The following ZDHHC21 variants were observed in gnomAD, a reference collection of about 807,000 sequenced individuals.
ZDHHC21 encodes the protein palmitoyltransferase ZDHHC21.
Under a neutral mutation model 34.6 loss-of-function variants are expected in ZDHHC21, and 15 were observed. That is an observed-to-expected ratio of 0.43 (90% CI 0.29 to 0.67). The LOEUF is 0.67. ZDHHC21 is among the 30% of genes least tolerant of loss of function. The probability of loss-of-function intolerance (pLI) is 0.14; values close to 1 mark genes in which losing one functional copy is unlikely to be tolerated. For synonymous variants in ZDHHC21, 142 were observed against 101.8 expected (o/e 1.40, Z -2.38); for missense variants, 344 against 327.7 (o/e 1.05, Z -0.38).
At chr9:14,658,683 G>A in intron 7 of ZDHHC21, 66 bp downstream of exon 7, 1 of 1,350,110 alleles carries the variant, frequency 7.4e-7, no homozygotes. Context: ...GTGTTAGCCA[G>A]GATGGTCTCG....
At chr9:14,622,436 AG>A in intron 8 of ZDHHC21, 3 of 702,892 alleles carry the variant, frequency 4.3e-6, no homozygotes, top group Non-Finnish European at 5.2e-6. Context: ...CTAAGAGAAA[AG>A]GAGAAAGAGA....
Position 14,688,881 on chromosome 9 carries a change from G to C in ZDHHC21, c.-176+1456C>G, listed in dbSNP as rs58285675. Among the ~76,000 whole-genome samples the C allele has an allele frequency of 6.2e-3, 937 of 151,604 alleles. 16 individuals are homozygous for C. Among genetic ancestry groups the C allele is most frequent in the African/African-American group, 0.021 (880 of 41,338 alleles). ...TGTCTCAAAAACAACAACAAAAAAC[G>C]AACAAACAGAAAACCAGCCGGGTGT... is the stretch of plus-strand genomic sequence containing the variant. On this transcript the variant is annotated intron_variant, in intron 2 of 9. Coordinates refer to ENST00000380916, the MANE Select transcript of ZDHHC21 (RefSeq NM_178566.6).
At chr9:14,681,877 G>T (rs574216255) in intron 2 of ZDHHC21, among the ~76,000 whole-genome samples, 1 of 152,124 alleles carries the variant, frequency 6.6e-6, no homozygotes, top group East Asian at 1.9e-4. Context: ...GAGAACGGGG[G>T]CCAATATTCA....
At position 14,619,677 on chromosome 9, in the gene ZDHHC21, T is replaced by C; in HGVS notation, c.627A>G (p.Thr209=). Residue 209 remains threonine (T), a synonymous_variant, in exon 9 of 10, where the codon ACA becomes ACG. Transcript: ENST00000380916. ...AGTTTGACATCTTTTCAATAGATGTTGTATCCTATTAAAAATAAAAAATTA... is the reference window on the plus strand; with the variant it reads ...AGTTTGACATCTTTTCAATAGATGTCGTATCCTATTAAAAATAAAAAATTA... ...YTQLIGIITD[T]TSIEKMSNCC... is the part of the protein sequence containing the mutation. 7.2e-7 allele frequency: 1 copy of C among 1,383,100 alleles called. No homozygotes were observed. The highest frequency in any genetic ancestry group is 1.0e-6 in the Non-Finnish European group (1 of 1,004,770). The allele number at this position is 1,383,100 out of a possible 1,614,324, so 85.7% of individuals were successfully genotyped here. A position where few individuals can be genotyped will look rare whatever the true frequency, so the allele number is the denominator to read the frequency against.
chr9:14,691,526 G>A (rs1370653253), intron 1 of ZDHHC21, among the ~76,000 whole-genome samples: 1 of 152,192 alleles, frequency 6.6e-6, no homozygotes, highest in Non-Finnish European at 1.5e-5. Context: ...ATGATTCATT[G>A]ATTCTTGTCT....
chr9:14,637,132 G>A (rs1487914336), intron 8 of ZDHHC21, among the ~76,000 whole-genome samples: 1 of 151,882 alleles, frequency 6.6e-6, no homozygotes, highest in East Asian at 1.9e-4. Context: ...GTTTTGAAAA[G>A]ATAAACAAGT....
chr9:14,647,008 A>G (rs187344969), intron 7 of ZDHHC21, among the ~76,000 whole-genome samples: 1 of 152,222 alleles, frequency 6.6e-6, no homozygotes, highest in African/African-American at 2.4e-5. Context: ...TGGACAAAGA[A>G]CTGTCTCTTC....
the ZDHHC21 span, among the ~76,000 whole-genome samples, chr9:14,603,102 T>G: frequency 5.9e-5 from 9 of 152,130 alleles, no homozygotes; most frequent in Non-Finnish European, 8.8e-5. Flanking sequence ...GAATATTCCA[T>G]ATTTTGAATA....
intron 8 of ZDHHC21, among the ~76,000 whole-genome samples, chr9:14,633,856 C>A (rs763302491): frequency 2.0e-5 from 3 of 152,138 alleles, no homozygotes; most frequent in Non-Finnish European, 2.9e-5. Flanking sequence ...CTGAAAGCAA[C>A]CCCGTCCTCC....
chr9:14,638,785 G>C (rs184202079), intron 8 of ZDHHC21, among the ~76,000 whole-genome samples: 6 of 152,060 alleles, frequency 3.9e-5, no homozygotes, highest in African/African-American at 1.2e-4. Flanking sequence ...TTAATCAACA[G>C]GGAAATGCAA....
At chr9:14,602,486 G>T in the ZDHHC21 span, among the ~76,000 whole-genome samples, 1 of 151,830 alleles carries the variant, frequency 6.6e-6, no homozygotes, top group Admixed American at 6.6e-5. Flanking sequence ...AAAGTGCAGT[G>T]ATTCCCAAGT....
At position 14,617,097 on chromosome 9, in the gene ZDHHC21, C is replaced by A. The variant is rs1049337095; in HGVS notation, c.*1869G>T. 1 of 151,884 alleles carries A rather than the reference C, an allele frequency of 6.6e-6. No individual in the cohort carries two copies. The highest frequency in any genetic ancestry group is 2.4e-5 in the African/African-American group (1 of 41,404). The allele number at this position is 151,884 out of a possible 1,614,324, so 9.4% of individuals were successfully genotyped here. On this transcript the variant is annotated 3_prime_UTR_variant, in exon 10 of 10. Coordinates refer to ENST00000380916, the MANE Select transcript of ZDHHC21 (RefSeq NM_178566.6). ...AAGGCATTCAACTGATATCTACCTA[C>A]CTTATCTATATATTACTTCCTTATG...
the ZDHHC21 span, among the ~76,000 whole-genome samples, chr9:14,598,940 T>C: frequency 6.6e-6 from 1 of 151,988 alleles, no homozygotes; most frequent in Non-Finnish European, 1.5e-5. Flanking sequence ...TTTTTGTTAT[T>C]TTTGTAGAGA....
intron 6 of ZDHHC21, among the ~76,000 whole-genome samples, chr9:14,661,615 T>C (rs1833410907): frequency 6.6e-6 from 1 of 152,206 alleles, no homozygotes; most frequent in Non-Finnish European, 1.5e-5. Context: ...GAAGATTATA[T>C]TTCTCAACTG....
chr9:14,685,365 C>G (rs897445251), intron 2 of ZDHHC21, among the ~76,000 whole-genome samples: 3 of 151,536 alleles, frequency 2.0e-5, no homozygotes, highest in Admixed American at 2.0e-4. Context: ...AAGAAAAAAA[C>G]AAACAACCCC....
chr9:14,594,364 GAAC>G, the ZDHHC21 span, among the ~76,000 whole-genome samples: 2 of 152,130 alleles, frequency 1.3e-5, no homozygotes, highest in Non-Finnish European at 2.9e-5. Flanking sequence ...ATAACGATAA[GAAC>G]AACAGAACAT....
At chr9:14,669,415 C>T (rs1335099405) in intron 5 of ZDHHC21, among the ~76,000 whole-genome samples, 4 of 143,120 alleles carry the variant, frequency 2.8e-5, no homozygotes, top group Non-Finnish European at 4.6e-5. Context: ...GGACTGTAAA[C>T]TAGTTCAACC....
the ZDHHC21 span, among the ~76,000 whole-genome samples, chr9:14,603,647 T>C: frequency 3.3e-5 from 5 of 152,286 alleles, no homozygotes; most frequent in African/African-American, 1.2e-4. Flanking sequence ...TGAGCTAATC[T>C]TGATTTGCTA....
At chr9:14,641,994 T>G (rs1417256887) in intron 7 of ZDHHC21, among the ~76,000 whole-genome samples, 1 of 152,152 alleles carries the variant, frequency 6.6e-6, no homozygotes. Context: ...AAAATTACCA[T>G]CTATGACCAA....
Sources: gnomAD v4.1 joint callset for allele counts (sites outside exome capture counted in the v4.1 genomes callset) on GRCh38, gnomAD v4.1.1 for gene constraint, MANE v1.5 for transcripts, NCBI Gene and HGNC (gene_info 2026-07-23, HGNC 2026-07-21) for gene names.